Variants in TMEM154 observed in about 807,000 individuals in gnomAD.
TMEM154 encodes transmembrane protein 154.
In TMEM154, 27 loss-of-function variants were observed where a neutral mutation model predicts 24.5. That is an observed-to-expected ratio of 1.10 (90% confidence interval 0.81 to 1.52). The LOEUF (loss-of-function observed/expected upper bound fraction) is 1.52. TMEM154 is among the 40% of genes most tolerant of loss of function. The pLI is 0.00. For synonymous variants in TMEM154, 67 were observed against 76.8 expected, an observed-to-expected ratio of 0.87 and a Z score of 0.67; for missense variants, 228 against 213.4, an observed-to-expected ratio of 1.07 and a Z score of -0.43.
chr4:152,637,003 G>A (rs1176656847), intron 6 of TMEM154, among the ~76,000 whole-genome samples: 1 of 152,156 alleles, frequency 6.6e-6, no homozygotes. Context: ...GAAAACTTTG[G>A]GTGATAATGG....
At chr4:152,657,854 T>C (rs1728521007) in intron 1 of TMEM154, among the ~76,000 whole-genome samples, 1 of 152,086 alleles carries the variant, frequency 6.6e-6, no homozygotes, top group African/African-American at 2.4e-5. Flanking sequence ...AAAAACCCTG[T>C]CAACCAAGGA....
chr4:152,672,436 G>T (rs1161823617), intron 1 of TMEM154, among the ~76,000 whole-genome samples: 1 of 152,194 alleles, frequency 6.6e-6, no homozygotes, highest in East Asian at 1.9e-4. Flanking sequence ...GGATAAGAGA[G>T]CTGCAATCAC....
At chr4:152,654,026 C>A (rs1019933231) in intron 1 of TMEM154, among the ~76,000 whole-genome samples, 1 of 147,268 alleles carries the variant, frequency 6.8e-6, no homozygotes, top group Non-Finnish European at 1.5e-5. Context: ...GCAACAAGAG[C>A]GACACTCCAT....
chr4:152,632,403 C>T (rs80167414), intron 6 of TMEM154, among the ~76,000 whole-genome samples: 102 of 152,310 alleles, frequency 6.7e-4, no homozygotes, highest in Non-Finnish European at 1.2e-3. Flanking sequence ...AAGCATGACA[C>T]GCTCCCTGTG....
At chr4:152,641,078 T>C in intron 5 of TMEM154, 93 bp from the exon 6 acceptor site, 2 of 1,239,196 alleles carry the variant, frequency 1.6e-6, no homozygotes, top group Non-Finnish European at 2.2e-6. Context: ...AGTTCTCTGA[T>C]CTGCGTGGTT....
At chr4:152,640,194 G>C (rs570472167) in intron 6 of TMEM154, among the ~76,000 whole-genome samples, 10 of 152,168 alleles carry the variant, frequency 6.6e-5, no homozygotes, top group Admixed American at 5.9e-4. Flanking sequence ...TCAGGCATAG[G>C]CTCAAGTTTT....
chr4:152,661,192 C>A (rs1031649728), intron 1 of TMEM154, among the ~76,000 whole-genome samples: 1 of 152,002 alleles, frequency 6.6e-6, no homozygotes, highest in African/African-American at 2.4e-5. Context: ...CTCCCACATG[C>A]CCTCACATAT....
intron 1 of TMEM154, among the ~76,000 whole-genome samples, chr4:152,659,598 C>T (rs1728556579): frequency 6.6e-6 from 1 of 152,158 alleles, no homozygotes; most frequent in Non-Finnish European, 1.5e-5. Context: ...ATTATAGATT[C>T]TATCCATGCA....
At chr4:152,646,918 C>T (rs80284615) in intron 3 of TMEM154, 173 of 702,104 alleles carry the variant, frequency 2.5e-4, no homozygotes, top group African/African-American at 2.1e-3. Context: ...GGTAGTTTAT[C>T]GCCCGCTGTT....
intron 3 of TMEM154, among the ~76,000 whole-genome samples, chr4:152,649,353 C>T (rs1036112152): frequency 6.6e-6 from 1 of 152,220 alleles, no homozygotes. Flanking sequence ...CTGCTTTAGA[C>T]CTAGAACTAC....
intron 3 of TMEM154, among the ~76,000 whole-genome samples, 154 bp downstream of exon 3, chr4:152,652,384 G>A (rs1313935726): frequency 2.7e-5 from 4 of 150,164 alleles, no homozygotes; most frequent in African/African-American, 7.3e-5. Flanking sequence ...TTTAAAGAAA[G>A]GAATATGCAT....
Position 152,631,792 on chromosome 4 carries a change from CCT to C in TMEM154, c.537-3233_537-3232del, listed in dbSNP as rs1491153955. Among the ~76,000 whole-genome samples the C allele has an allele frequency of 4.8e-4, 63 of 131,532 alleles. 4 individuals carry two copies. Among genetic ancestry groups the C allele is most frequent in the African/African-American group, 1.6e-3 (58 of 35,390 alleles). The allele number at this position is 131,532 out of a possible 152,430, so 86.3% of individuals were successfully genotyped here. ...TTTTTAATGTAGTTAAATCTATCCCCCTTTTTTTTTTTTTTTTTTTTTTTTTT... is the reference window on the plus strand; with the variant it reads ...TTTTTAATGTAGTTAAATCTATCCCCTTTTTTTTTTTTTTTTTTTTTTTTT... On this transcript the variant is annotated intron_variant, in intron 6 of 6. Coordinates refer to ENST00000304385, the MANE Select transcript of TMEM154 (RefSeq NM_152680.3).
At chr4:152,644,295 G>T (rs540408892) in intron 4 of TMEM154, 120 bp downstream of exon 4, 10 of 1,115,250 alleles carry the variant, frequency 9.0e-6, no homozygotes, top group Non-Finnish European at 1.1e-5. Context: ...CTCCAACCCC[G>T]CCTGGGAAGC....
At chr4:152,637,985 G>A (rs1011692168) in intron 6 of TMEM154, among the ~76,000 whole-genome samples, 6 of 152,272 alleles carry the variant, frequency 3.9e-5, no homozygotes, top group African/African-American at 1.2e-4. Context: ...ACTGGGCGAG[G>A]CACAGTGGCT....
intron 3 of TMEM154, among the ~76,000 whole-genome samples, chr4:152,649,677 C>G (rs933520325): frequency 8.5e-5 from 13 of 152,186 alleles, no homozygotes; most frequent in Non-Finnish European, 1.6e-4. Context: ...TAACCCTAAT[C>G]TGACTCACTC....
intron 3 of TMEM154, among the ~76,000 whole-genome samples, chr4:152,649,307 G>A (rs1728328622): frequency 6.6e-6 from 1 of 152,216 alleles, no homozygotes; most frequent in South Asian, 2.1e-4. Flanking sequence ...TCGAATCCGA[G>A]CGAGTTTTAC....
intron 1 of TMEM154, among the ~76,000 whole-genome samples, chr4:152,664,284 A>G (rs1046403560): frequency 1.3e-5 from 2 of 152,148 alleles, no homozygotes; most frequent in Non-Finnish European, 2.9e-5. Context: ...ACAGAAAACC[A>G]AACACCACAT....
chr4:152,646,775 G>A (rs1728249947), intron 3 of TMEM154: 2 of 591,272 alleles, frequency 3.4e-6, no homozygotes, highest in South Asian at 4.1e-5. Flanking sequence ...GAGGCTAGGG[G>A]AGGGCAGGAG....
intron 1 of TMEM154, among the ~76,000 whole-genome samples, chr4:152,655,045 C>A (rs1042406034): frequency 3.3e-5 from 5 of 151,908 alleles, no homozygotes; most frequent in Non-Finnish European, 5.9e-5. Flanking sequence ...AAAAAACTAC[C>A]AATGTTTGAA....
Sources: allele counts gnomAD v4.1 joint callset (sites outside exome capture counted in the v4.1 genomes callset), GRCh38; gene constraint gnomAD v4.1.1; transcripts MANE v1.5; gene names NCBI Gene and HGNC (gene_info 2026-07-23, HGNC 2026-07-21).